Variants in LCLAT1 observed in about 807,000 individuals in gnomAD.
LCLAT1 encodes the protein 1-AGP acyltransferase 8.
LCLAT1 carries 11 observed loss-of-function variants against 30.7 expected under a neutral mutation model. The observed-to-expected ratio is 0.36, with a 90% CI of 0.23 to 0.59. The LOEUF is 0.59. LCLAT1 is among the 20% of genes least tolerant of loss of function. LCLAT1 has a pLI of 0.77. For missense variants in LCLAT1, 402 were observed against 458.6 expected (o/e 0.88, Z 1.13); for synonymous variants, 155 against 151.3 (o/e 1.02, Z -0.18).
chr2:30,585,698 A>G (rs559291722), intron 5 of LCLAT1, among the ~76,000 whole-genome samples: 2 of 152,208 alleles, frequency 1.3e-5, no homozygotes, highest in East Asian at 1.9e-4. Context: ...CTTATCGGTT[A>G]TACTCTGTGG....
At chr2:30,559,496 T>C (rs1665092663) in intron 3 of LCLAT1, among the ~76,000 whole-genome samples, 2 of 152,378 alleles carry the variant, frequency 1.3e-5, no homozygotes, top group African/African-American at 4.8e-5. Context: ...AGGTGTACTT[T>C]TGATTTAATC....
At chr2:30,469,567 G>A (rs956658166) in intron 1 of LCLAT1, among the ~76,000 whole-genome samples, 30 of 145,454 alleles carry the variant, frequency 2.1e-4, no homozygotes, top group African/African-American at 7.2e-4. Flanking sequence ...TGGGCTACAG[G>A]TCTCTTCTTT....
chr2:30,634,763 T>C (rs1384480127), intron 5 of LCLAT1, among the ~76,000 whole-genome samples: 7 of 152,244 alleles, frequency 4.6e-5, no homozygotes, highest in Admixed American at 2.0e-4. Flanking sequence ...CAGGTACATT[T>C]TTTTCTTTAC....
chr2:30,507,038 C>A (rs998642634), intron 1 of LCLAT1, among the ~76,000 whole-genome samples: 2 of 151,946 alleles, frequency 1.3e-5, no homozygotes, highest in African/African-American at 4.8e-5. Flanking sequence ...TAAAATATTT[C>A]TATTTTTATT....
intron 5 of LCLAT1, among the ~76,000 whole-genome samples, chr2:30,619,723 A>T (rs1668154049): frequency 6.6e-6 from 1 of 152,198 alleles, no homozygotes. Context: ...TGGTAAACTT[A>T]GAAGCCACGA....
At position 30,469,844 on chromosome 2, in the gene LCLAT1, C is replaced by T. The variant is rs568083104; in HGVS notation, c.-5+22461C>T. Among the ~76,000 whole-genome samples the T allele has an allele frequency of 1.2e-4, 19 of 152,218 alleles. No individual in the cohort carries two copies. In the South Asian group the frequency reaches 3.7e-3, roughly 30 times the overall value. On this transcript the variant is annotated intron_variant, in intron 1 of 5. Coordinates refer to ENST00000379509, the MANE Select transcript of LCLAT1 (RefSeq NM_001002257.3). Reference sequence around the variant, plus strand: ...TCCTGACCTCATGATCCACCTGCTTCGGCCTCCCAAAGTGCTGAGATTACA... The same window carrying T: ...TCCTGACCTCATGATCCACCTGCTTTGGCCTCCCAAAGTGCTGAGATTACA...
chr2:30,579,776 G>C (rs1258577084), intron 5 of LCLAT1, among the ~76,000 whole-genome samples: 1 of 152,148 alleles, frequency 6.6e-6, no homozygotes, highest in Non-Finnish European at 1.5e-5. Flanking sequence ...ATTAGAAAGA[G>C]TGGGAACTGT....
chr2:30,475,520 A>G (rs1395877743), intron 1 of LCLAT1, among the ~76,000 whole-genome samples: 2 of 152,216 alleles, frequency 1.3e-5, no homozygotes, highest in African/African-American at 2.4e-5. Context: ...TTACTGACCT[A>G]TACAACAACA....
intron 5 of LCLAT1, among the ~76,000 whole-genome samples, chr2:30,592,782 T>C (rs1289247759): frequency 6.6e-6 from 1 of 152,248 alleles, no homozygotes; most frequent in Admixed American, 6.5e-5. Context: ...CTAACACTTA[T>C]TTTAAAAATT....
At chr2:30,465,490 G>C (rs1225953789) in intron 1 of LCLAT1, among the ~76,000 whole-genome samples, 11 of 152,130 alleles carry the variant, frequency 7.2e-5, no homozygotes, top group African/African-American at 2.7e-4. Flanking sequence ...TTACAGCAGC[G>C]ATAGGAAACT....
At chr2:30,540,693 T>G (rs1664094901) in intron 3 of LCLAT1, among the ~76,000 whole-genome samples, 1 of 151,366 alleles carries the variant, frequency 6.6e-6, no homozygotes. Flanking sequence ...AGACAAAGTC[T>G]CCCTCTTGTC....
At chr2:30,454,323 TTG>T (rs1681714552) in intron 1 of LCLAT1, among the ~76,000 whole-genome samples, 2 of 152,258 alleles carry the variant, frequency 1.3e-5, no homozygotes, top group African/African-American at 4.8e-5. Flanking sequence ...GGTTTATTGT[TTG>T]TGTTATAATC....
chr2:30,515,261 T>C (rs1239599447), intron 1 of LCLAT1, among the ~76,000 whole-genome samples: 1 of 152,240 alleles, frequency 6.6e-6, no homozygotes, highest in East Asian at 1.9e-4. Context: ...ACCTGTTGCA[T>C]ACCTCCTATC....
chr2:30,601,385 A>G (rs1667176804), intron 5 of LCLAT1, among the ~76,000 whole-genome samples: 1 of 152,212 alleles, frequency 6.6e-6, no homozygotes, highest in Non-Finnish European at 1.5e-5. Flanking sequence ...TCTACATGCC[A>G]AGAGCTGTTG....
chr2:30,554,232 C>G (rs767382677), intron 3 of LCLAT1, among the ~76,000 whole-genome samples: 4 of 152,182 alleles, frequency 2.6e-5, no homozygotes, highest in Non-Finnish European at 5.9e-5. Flanking sequence ...TGCAGAAATA[C>G]ATTCGACCTG....
chr2:30,518,646 G>A (rs1338411384), intron 1 of LCLAT1, among the ~76,000 whole-genome samples: 1 of 152,124 alleles, frequency 6.6e-6, no homozygotes, highest in Non-Finnish European at 1.5e-5. Context: ...TATCAATGAG[G>A]CCGTTGTCCC....
At chr2:30,453,303 C>G (rs1235777774) in intron 1 of LCLAT1, among the ~76,000 whole-genome samples, 1 of 152,130 alleles carries the variant, frequency 6.6e-6, no homozygotes, top group Non-Finnish European at 1.5e-5. Flanking sequence ...TCCAGCTCTT[C>G]CAGCTCCATG....
intron 2 of LCLAT1, among the ~76,000 whole-genome samples, chr2:30,526,484 C>A (rs1427961434): frequency 6.6e-6 from 1 of 152,000 alleles, no homozygotes; most frequent in Non-Finnish European, 1.5e-5. Context: ...GGTTCTGTTA[C>A]TTTCTTGAGA....
intron 4 of LCLAT1, among the ~76,000 whole-genome samples, chr2:30,565,001 G>A (rs191696576): frequency 1.4e-4 from 21 of 152,110 alleles, no homozygotes; most frequent in Admixed American, 1.2e-3. Context: ...TTTTAATTTT[G>A]GTCCATTTCT....
Sources: allele counts gnomAD v4.1 joint callset (sites outside exome capture counted in the v4.1 genomes callset), GRCh38; gene constraint gnomAD v4.1.1; transcripts MANE v1.5; gene names NCBI Gene and HGNC (gene_info 2026-07-23, HGNC 2026-07-21).